Variants in TXNRD2 observed in about 807,000 individuals in gnomAD.
TXNRD2 encodes the protein thioredoxin reductase 2.
In TXNRD2, 67 loss-of-function variants were observed where a neutral mutation model predicts 70.8. The observed-to-expected ratio is 0.95, with a 90% CI of 0.78 to 1.16. The LOEUF (loss-of-function observed/expected upper bound fraction) is 1.16, where lower values mean the gene tolerates loss of function less well. Among genes scored for constraint, TXNRD2 ranks in the 50% most tolerant of loss-of-function variants. TXNRD2 has a pLI of 0.00. For synonymous variants in TXNRD2, 301 were observed against 295.8 expected (o/e 1.02, Z -0.18); for missense variants, 644 against 719.9 (o/e 0.89, Z 1.21).
At chr22:19,921,834 C>T (rs1940930558) in intron 2 of TXNRD2, among the ~76,000 whole-genome samples, 1 of 152,128 alleles carries the variant, frequency 6.6e-6, no homozygotes, top group African/African-American at 2.4e-5. Flanking sequence ...GGGGACAGAG[C>T]CCACACAGGG....
At chr22:19,937,497 A>G (rs1941572130) in intron 1 of TXNRD2, among the ~76,000 whole-genome samples, 1 of 152,180 alleles carries the variant, frequency 6.6e-6, no homozygotes, top group Non-Finnish European at 1.5e-5. Context: ...TGAGTGTAAA[A>G]TGGCCGTGCA....
At chr22:19,913,524 A>G (rs1940506388) in intron 7 of TXNRD2, among the ~76,000 whole-genome samples, 1 of 152,212 alleles carries the variant, frequency 6.6e-6, no homozygotes, top group African/African-American at 2.4e-5. Flanking sequence ...CTCTGGGGGC[A>G]TTTGTCTGAG....
intron 14 of TXNRD2, among the ~76,000 whole-genome samples, chr22:19,878,940 G>A (rs962330427): frequency 9.2e-5 from 14 of 152,336 alleles, no homozygotes; most frequent in Admixed American, 6.5e-4. Context: ...GCTCGACAGC[G>A]TGTCCGGGGC....
At chr22:19,923,064 T>C (rs1940978631) in intron 2 of TXNRD2, among the ~76,000 whole-genome samples, 2 of 152,178 alleles carry the variant, frequency 1.3e-5, no homozygotes. Context: ...TCACCAAGTG[T>C]TCACCTATGC....
At chr22:19,882,904 G>T (rs1010616024) in intron 12 of TXNRD2, among the ~76,000 whole-genome samples, 6 of 152,266 alleles carry the variant, frequency 3.9e-5, no homozygotes, top group African/African-American at 1.4e-4. Flanking sequence ...CTGAGGCGGG[G>T]AGGGCGGGGC....
intron 2 of TXNRD2, among the ~76,000 whole-genome samples, chr22:19,921,625 G>A (rs1664116941): frequency 6.6e-6 from 1 of 152,160 alleles, no homozygotes; most frequent in African/African-American, 2.4e-5. Flanking sequence ...GAGTCTCCAG[G>A]ACCCAGCACT....
At chr22:19,892,010 C>T (rs955956343) in intron 11 of TXNRD2, among the ~76,000 whole-genome samples, 6 of 152,218 alleles carry the variant, frequency 3.9e-5, no homozygotes, top group African/African-American at 9.6e-5. Flanking sequence ...CGGCCCCACA[C>T]GGGAGCTCTG....
At chr22:19,899,174 G>T (rs530179774) in intron 8 of TXNRD2, 106 bp from the exon 9 acceptor site, 1 of 1,444,320 alleles carries the variant, frequency 6.9e-7, no homozygotes, top group Non-Finnish European at 9.6e-7. Context: ...TGGTCAGCTC[G>T]TGGGCTCCAA....
chr22:19,916,583 C>T (rs753178001), intron 5 of TXNRD2, among the ~76,000 whole-genome samples: 3 of 151,778 alleles, frequency 2.0e-5, no homozygotes, highest in Non-Finnish European at 2.9e-5. Context: ...CTCAAGTGAT[C>T]CACCCACCTC....
intron 8 of TXNRD2, among the ~76,000 whole-genome samples, chr22:19,904,703 G>T (rs1279443185): frequency 1.3e-5 from 2 of 152,204 alleles, no homozygotes; most frequent in Non-Finnish European, 2.9e-5. Context: ...GCCCACCGAG[G>T]GCCTGGGGCC....
chr22:19,883,257 G>T, intron 12 of TXNRD2, 68 bp downstream of exon 12: 1 of 1,579,844 alleles, frequency 6.3e-7, no homozygotes, highest in Non-Finnish European at 8.7e-7. Context: ...GCAGCAGCCG[G>T]AGCCCAGCGA....
chr22:19,912,018 T>C (rs1293701297), intron 7 of TXNRD2, among the ~76,000 whole-genome samples: 1 of 151,750 alleles, frequency 6.6e-6, no homozygotes, highest in African/African-American at 2.4e-5. Flanking sequence ...CAGGCTGAGG[T>C]GGGCAGGGAC....
chr22:19,907,196 C>T (rs10222304), intron 8 of TXNRD2, among the ~76,000 whole-genome samples: 86 of 78,040 alleles, frequency 1.1e-3, no homozygotes, highest in East Asian at 1.4e-3. Flanking sequence ...TAGCAGTGAC[C>T]GCTCTCAGGA....
At chr22:19,889,467 T>C (rs1480209475) in intron 11 of TXNRD2, among the ~76,000 whole-genome samples, 1 of 151,940 alleles carries the variant, frequency 6.6e-6, no homozygotes, top group East Asian at 1.9e-4. Context: ...AAAAATTAGC[T>C]GGGCGCGGTG....
chr22:19,937,142 C>T (rs73385635), intron 1 of TXNRD2, among the ~76,000 whole-genome samples: 4,753 of 152,170 alleles, frequency 0.031, 183 homozygotes, highest in African/African-American at 0.092. Context: ...AATTCCATAC[C>T]TGGTGGTCAG....
At position 19,932,080 on chromosome 22, in the gene TXNRD2, G is replaced by A. The variant is rs1256515730; in HGVS notation, c.104-982C>T. Among the ~76,000 whole-genome samples, 22 of 148,628 alleles carry A rather than the reference G, an allele frequency of 1.5e-4. No individual in the cohort carries two copies. The East Asian group carries it at 4.4e-3, about 29-fold the overall frequency. On this transcript the variant is annotated intron_variant, in intron 1 of 17. Transcript: ENST00000400521. ...GGAGGCTGAGGCAGGAGAATGGCGT[G>A]AACCCGGGAGGCGGAGCTTGCAGTG...
rs1191240792 is a variant in TXNRD2, at chr22:19,919,539, C to T, written c.229+4G>A. 1 of 1,558,622 alleles carries T rather than the reference C, an allele frequency of 6.4e-7. No individual in the cohort carries two copies. Among genetic ancestry groups the T allele is most frequent in the African/African-American group, 1.4e-5 (1 of 73,450 alleles). On this transcript the variant is annotated splice_donor_region_variant and intron_variant, in intron 3 of 17. Coordinates refer to ENST00000400521, the MANE Select transcript of TXNRD2 (RefSeq NM_006440.5). ...ACACCCGGCTCCCATAGGGTGCTGC[C>T]TACCTTGGGGAGAAGGTTCCACGTA...
chr22:19,925,671 AC>A (rs200683723), intron 2 of TXNRD2, among the ~76,000 whole-genome samples: 1,626 of 152,054 alleles, frequency 0.011, 59 homozygotes, highest in African/African-American at 0.036. Context: ...CATGCCATAA[AC>A]CCTAAAGCAA....
chr22:19,916,878 G>A (rs1306632328), intron 5 of TXNRD2, among the ~76,000 whole-genome samples: 1 of 152,138 alleles, frequency 6.6e-6, no homozygotes, highest in Admixed American at 6.5e-5. Context: ...CAAAGTGCTA[G>A]GATTACAGGC....
Sources: gnomAD v4.1 joint callset for allele counts (sites outside exome capture counted in the v4.1 genomes callset) on GRCh38, gnomAD v4.1.1 for gene constraint, MANE v1.5 for transcripts, NCBI Gene and HGNC (gene_info 2026-07-23, HGNC 2026-07-21) for gene names.